ADAMTSL3: variants seen among roughly 807,000 people sequenced by gnomAD.
ADAMTSL3 encodes the protein ADAMTS like 3.
Under a neutral mutation model 201.7 loss-of-function variants are expected in ADAMTSL3, and 128 were observed. That is an observed-to-expected ratio of 0.63 (90% CI 0.55 to 0.73). The LOEUF is 0.73. Ranked by LOEUF, ADAMTSL3 falls within the 30% of genes least tolerant of loss-of-function variation. The pLI is 0.00. For synonymous variants in ADAMTSL3, 738 were observed against 748.4 expected (o/e 0.99, Z 0.23); for missense variants, 1,990 against 2,119.6 (o/e 0.94, Z 1.20).
intron 17 of ADAMTSL3, among the ~76,000 whole-genome samples, chr15:83,926,467 C>G (rs529026971): frequency 6.6e-6 from 1 of 152,280 alleles, no homozygotes; most frequent in Admixed American, 6.5e-5. Context: ...ACAATTAGAT[C>G]AAGTATAAAT....
chr15:83,920,354 G>A (rs1041082139), intron 16 of ADAMTSL3, among the ~76,000 whole-genome samples: 5 of 152,104 alleles, frequency 3.3e-5, no homozygotes, highest in African/African-American at 1.2e-4. Flanking sequence ...AGGCTCCAGT[G>A]GTTTATGATG....
intron 2 of ADAMTSL3, among the ~76,000 whole-genome samples, chr15:83,692,970 G>T (rs2061633099): frequency 6.6e-6 from 1 of 152,172 alleles, no homozygotes; most frequent in African/African-American, 2.4e-5. Flanking sequence ...GAAAGACCTT[G>T]AATAAACATG....
intron 17 of ADAMTSL3, among the ~76,000 whole-genome samples, chr15:83,938,956 G>A (rs1156643297): frequency 3.3e-5 from 5 of 152,112 alleles, no homozygotes; most frequent in African/African-American, 1.2e-4. Context: ...TTGCTTTTTT[G>A]GATGCGCTAA....
At chr15:83,787,190 C>T (rs1241559725) in intron 4 of ADAMTSL3, among the ~76,000 whole-genome samples, 1 of 152,154 alleles carries the variant, frequency 6.6e-6, no homozygotes, top group Admixed American at 6.6e-5. Context: ...TCTAGTGTTT[C>T]CGTAGGATCT....
chr15:83,935,402 G>C (rs954624053), intron 17 of ADAMTSL3, among the ~76,000 whole-genome samples: 1 of 151,848 alleles, frequency 6.6e-6, no homozygotes, highest in Non-Finnish European at 1.5e-5. Flanking sequence ...AAAAATAAGT[G>C]CCTTATACTG....
At chr15:83,917,479 A>G (rs1332609889) in intron 16 of ADAMTSL3, among the ~76,000 whole-genome samples, 1 of 151,778 alleles carries the variant, frequency 6.6e-6, no homozygotes, top group Non-Finnish European at 1.5e-5. Flanking sequence ...GCATGTACTC[A>G]TGCAGCAGTA....
At chr15:83,716,027 C>G (rs2062012988) in intron 3 of ADAMTSL3, among the ~76,000 whole-genome samples, 1 of 152,138 alleles carries the variant, frequency 6.6e-6, no homozygotes, top group African/African-American at 2.4e-5. Flanking sequence ...AAGGATTCAT[C>G]TGGGTTTGTA....
intron 2 of ADAMTSL3, among the ~76,000 whole-genome samples, chr15:83,660,138 G>A (rs1355504036): frequency 1.3e-5 from 2 of 152,114 alleles, no homozygotes; most frequent in African/African-American, 2.4e-5. Context: ...GGTAACCCAG[G>A]TGCAATCATA....
chr15:83,995,962 CAT>C (rs2067679982), intron 23 of ADAMTSL3, among the ~76,000 whole-genome samples: 1 of 152,046 alleles, frequency 6.6e-6, no homozygotes, highest in African/African-American at 2.4e-5. Flanking sequence ...CAGATTCAAG[CAT>C]ACAGTATATG....
intron 4 of ADAMTSL3, among the ~76,000 whole-genome samples, chr15:83,786,380 A>G (rs2141810561): frequency 6.6e-6 from 1 of 152,286 alleles, no homozygotes; most frequent in East Asian, 1.9e-4. Flanking sequence ...GCAGTAATAC[A>G]ATGCATAATA....
At position 83,982,809 on chromosome 15, in the gene ADAMTSL3, G is replaced by T. The variant is rs2067410221; in HGVS notation, c.3181G>T (p.Gly1061Cys). ...SNQPFLRALL[G>C]HCSNSAGSTN... is the part of the protein sequence containing the mutation. ...CCAGCCTTTCTTGAGAGCTCTGTTAGGCCACTGCAGCAATTCTGCAGGAAG... is the reference window on the plus strand; with the variant it reads ...CCAGCCTTTCTTGAGAGCTCTGTTATGCCACTGCAGCAATTCTGCAGGAAG... The change falls in exon 21 of 30, where the codon GGC (glycine) becomes TGC (cysteine). Residue 1061 changes from glycine (G) to cysteine (C), a missense_variant. Gly to Cys is a radical substitution (Grantham distance 159, BLOSUM62 -3). Coordinates refer to ENST00000286744, the MANE Select transcript of ADAMTSL3 (RefSeq NM_207517.3). The T allele has an allele frequency of 6.2e-7, 1 of 1,614,120 alleles. No individual in the cohort carries two copies. Among genetic ancestry groups the T allele is most frequent in the Admixed American group, 1.7e-5 (1 of 60,030 alleles).
intron 3 of ADAMTSL3, among the ~76,000 whole-genome samples, chr15:83,725,779 T>A (rs1038209692): frequency 2.0e-5 from 3 of 152,152 alleles, no homozygotes; most frequent in African/African-American, 7.2e-5. Flanking sequence ...AGTACCATGA[T>A]GTTTTGGTTA....
At chr15:83,764,771 G>T (rs146973717) in intron 3 of ADAMTSL3, among the ~76,000 whole-genome samples, 1 of 152,110 alleles carries the variant, frequency 6.6e-6, no homozygotes, top group Non-Finnish European at 1.5e-5. Flanking sequence ...GGTAAATAGC[G>T]TGTTTTAAAA....
At chr15:83,678,810 A>ATATATT (rs1441688581) in intron 2 of ADAMTSL3, among the ~76,000 whole-genome samples, 2 of 143,742 alleles carry the variant, frequency 1.4e-5, no homozygotes, top group Non-Finnish European at 3.0e-5. Context: ...ATATATTTAT[A>ATATATT]TAATATAAAA....
chr15:84,019,631 C>T (rs1357228629), intron 25 of ADAMTSL3, among the ~76,000 whole-genome samples: 2 of 152,100 alleles, frequency 1.3e-5, no homozygotes, highest in Non-Finnish European at 2.9e-5. Context: ...CAGTGGCTCA[C>T]ACCTGTAATC....
rs192948503 is a variant in ADAMTSL3 at position 83,881,727 on chromosome 15, C to T, written c.961-3374C>T. On this transcript the variant is annotated intron_variant, in intron 9 of 29. Coordinates refer to ENST00000286744, the MANE Select transcript of ADAMTSL3 (RefSeq NM_207517.3). The stretch of plus-strand genomic sequence containing the variant: ...AAAACTAGCTAGGCATGATAGTGTG[C>T]GCCTGTAATCACAGCTACTCAGGAG... Among the ~76,000 whole-genome samples, 1,225 of 152,066 alleles carry T rather than the reference C, an allele frequency of 8.1e-3. 19 individuals are homozygous for T. The highest frequency in any genetic ancestry group is 0.027 in the African/African-American group (1,135 of 41,466).
intron 2 of ADAMTSL3, among the ~76,000 whole-genome samples, chr15:83,699,244 A>G (rs1285707137): frequency 6.6e-6 from 1 of 152,086 alleles, no homozygotes; most frequent in African/African-American, 2.4e-5. Flanking sequence ...TGGATGTTTT[A>G]TGGACACCTC....
At chr15:83,848,175 A>C (rs2064540821) in intron 7 of ADAMTSL3, among the ~76,000 whole-genome samples, 1 of 143,986 alleles carries the variant, frequency 6.9e-6, no homozygotes, top group South Asian at 2.1e-4. Flanking sequence ...AACACACACC[A>C]AAAAAATAAA....
chr15:83,994,586 G>GTTTTTTTTTTTTTTTTTTTTTTTT, intron 23 of ADAMTSL3, among the ~76,000 whole-genome samples: 1 of 50,230 alleles, frequency 2.0e-5, no homozygotes, highest in Non-Finnish European at 3.6e-5. Context: ...TTGTTTTTTC[G>GTTTTTTTTTTTTTTTTTTTTTTTT]TTTTTTTTTT....
Sources: allele counts gnomAD v4.1 joint callset (sites outside exome capture counted in the v4.1 genomes callset), GRCh38; gene constraint gnomAD v4.1.1; transcripts MANE v1.5; gene names NCBI Gene and HGNC (gene_info 2026-07-23, HGNC 2026-07-21).